Variants in KLHL1 observed in about 807,000 individuals in gnomAD.
KLHL1 encodes the protein kelch like family member 1.
KLHL1 carries 47 observed loss-of-function variants against 77.7 expected under a neutral mutation model. That is an observed-to-expected ratio of 0.60 (90% CI 0.48 to 0.77). KLHL1 has a LOEUF of 0.77. KLHL1 is among the 30% of genes least tolerant of loss of function. The pLI is 0.00. For synonymous variants in KLHL1, 360 were observed against 325.2 expected, an observed-to-expected ratio of 1.11 and a Z score of -1.15; for missense variants, 925 against 910.8, an observed-to-expected ratio of 1.02 and a Z score of -0.20.
intron 1 of KLHL1, among the ~76,000 whole-genome samples, chr13:70,063,381 T>C (rs781468263): frequency 2.6e-5 from 4 of 152,146 alleles, no homozygotes; most frequent in Non-Finnish European, 5.9e-5. Context: ...AATTACAGCT[T>C]TTACAGATTT....
Position 70,070,152 on chromosome 13 carries a change from G to GA in KLHL1, c.497+37050dup, listed in dbSNP as rs200077831. Among the ~76,000 whole-genome samples the GA allele has an allele frequency of 8.4e-4, 117 of 139,006 alleles. 1 individual carries two copies. The highest frequency in any genetic ancestry group is 1.6e-3 in the South Asian group (7 of 4,392). The allele number at this position is 139,006 out of a possible 152,430, so 91.2% of individuals were successfully genotyped here. A position where few individuals can be genotyped will look rare whatever the true frequency, so the allele number is the denominator to read the frequency against. Reference sequence around the variant, plus strand: ...TGGGTGACAGAGTGAGACTCGTCTCGAAAAAAAAAAAAGAAGCAGAAGAAA... The same window carrying GA: ...TGGGTGACAGAGTGAGACTCGTCTCGAAAAAAAAAAAAAGAAGCAGAAGAAA... On this transcript the variant is annotated intron_variant, in intron 1 of 10. Coordinates refer to ENST00000377844, the MANE Select transcript of KLHL1 (RefSeq NM_020866.3).
At chr13:69,988,912 GTTGTC>G (rs1480850332) in intron 1 of KLHL1, among the ~76,000 whole-genome samples, 1 of 151,988 alleles carries the variant, frequency 6.6e-6, no homozygotes, top group Non-Finnish European at 1.5e-5. Context: ...AATTCTGTAG[GTTGTC>G]TGTTTGTTCT....
At chr13:69,891,796 G>T (rs943780167) in intron 4 of KLHL1, among the ~76,000 whole-genome samples, 5 of 151,840 alleles carry the variant, frequency 3.3e-5, no homozygotes, top group Non-Finnish European at 5.9e-5. Context: ...TAATCATTTG[G>T]TCTGCTTCTC....
At chr13:69,950,470 A>T (rs1316581781) in intron 3 of KLHL1, among the ~76,000 whole-genome samples, 1 of 151,584 alleles carries the variant, frequency 6.6e-6, no homozygotes. Flanking sequence ...TCTGTCCCTA[A>T]TCAACTCCAT....
chr13:69,719,224 G>C (rs1181081772), intron 9 of KLHL1, 145 bp downstream of exon 9: 5 of 615,210 alleles, frequency 8.1e-6, no homozygotes, highest in Non-Finnish European at 1.4e-5. Flanking sequence ...GAGAGAGAGA[G>C]AGAGAGAGAG....
intron 1 of KLHL1, among the ~76,000 whole-genome samples, chr13:70,007,868 A>G (rs1045950059): frequency 5.3e-5 from 8 of 152,014 alleles, no homozygotes; most frequent in African/African-American, 1.9e-4. Flanking sequence ...AGGCTAAGAC[A>G]TATTTTTTGC....
chr13:69,993,241 G>T (rs1885069550), intron 1 of KLHL1, among the ~76,000 whole-genome samples: 1 of 152,062 alleles, frequency 6.6e-6, no homozygotes, highest in Non-Finnish European at 1.5e-5. Flanking sequence ...ATGGTCCAGT[G>T]TCTGGGAGAG....
At chr13:69,956,001 A>G (rs1394322907) in intron 3 of KLHL1, among the ~76,000 whole-genome samples, 2 of 116,534 alleles carry the variant, frequency 1.7e-5, no homozygotes, top group Non-Finnish European at 1.9e-5. Context: ...TATTTGATAT[A>G]TATTTATATA....
At chr13:69,859,080 A>G (rs1162865475) in intron 5 of KLHL1, among the ~76,000 whole-genome samples, 2 of 152,052 alleles carry the variant, frequency 1.3e-5, no homozygotes, top group East Asian at 3.9e-4. Context: ...AAAGCACTGT[A>G]TAAAACTTGC....
intron 4 of KLHL1, among the ~76,000 whole-genome samples, chr13:69,886,325 A>G (rs1350836643): frequency 2.0e-5 from 3 of 151,990 alleles, no homozygotes; most frequent in African/African-American, 7.2e-5. Flanking sequence ...TAATTTTTCT[A>G]GCTAAAACAA....
intron 1 of KLHL1, among the ~76,000 whole-genome samples, chr13:70,013,350 T>G (rs977827633): frequency 2.0e-5 from 3 of 152,218 alleles, no homozygotes; most frequent in Non-Finnish European, 4.4e-5. Flanking sequence ...ATTACATGGC[T>G]ACTCTACTTG....
At chr13:69,841,888 A>G (rs1310215223) in intron 5 of KLHL1, among the ~76,000 whole-genome samples, 1 of 151,846 alleles carries the variant, frequency 6.6e-6, no homozygotes, top group Non-Finnish European at 1.5e-5. Flanking sequence ...AAAGCCACGT[A>G]TTTACTGCTA....
intron 2 of KLHL1, among the ~76,000 whole-genome samples, chr13:69,973,452 ATTAT>A (rs1276752211): frequency 6.6e-6 from 1 of 151,676 alleles, no homozygotes; most frequent in Non-Finnish European, 1.5e-5. Flanking sequence ...CTTCATAAAA[ATTAT>A]TTATTTTTAT....
chr13:70,061,713 C>T (rs749420588), intron 1 of KLHL1, among the ~76,000 whole-genome samples: 5 of 152,120 alleles, frequency 3.3e-5, no homozygotes, highest in Non-Finnish European at 7.4e-5. Flanking sequence ...CTCTTCTCTC[C>T]ACTCCAGGTT....
At chr13:69,950,184 GACAAT>G (rs1379818058) in intron 3 of KLHL1, among the ~76,000 whole-genome samples, 1 of 151,542 alleles carries the variant, frequency 6.6e-6, no homozygotes, top group Non-Finnish European at 1.5e-5. Flanking sequence ...AAGTAGCTGC[GACAAT>G]ACAAGTCATT....
intron 1 of KLHL1, among the ~76,000 whole-genome samples, chr13:69,985,913 TATATATATGTAA>T (rs1476074675): frequency 2.7e-5 from 4 of 147,758 alleles, no homozygotes; most frequent in Admixed American, 6.8e-5. Flanking sequence ...ATGTAAGTTA[TATATATATGTAA>T]ATATATATGT....
chr13:69,975,712 C>T lies in KLHL1; in HGVS notation c.588G>A (p.Glu196=), dbSNP rs1884526086. Residue 196 remains glutamate (E), a synonymous_variant, in exon 2 of 11, where the codon GAG becomes GAA. Coordinates refer to ENST00000377844, the MANE Select transcript of KLHL1 (RefSeq NM_020866.3). ...AACTTTCCATCTTTCTGAAGGTTTG[C>T]TCAGCATGATGAACAGCTTGATAGA... The part of the protein sequence containing the change: ...EEFYQAVHHA[E]QTFRKMESYL... The T allele has an allele frequency of 6.2e-7, 1 of 1,613,588 alleles. No homozygotes were observed.
At chr13:69,985,104 T>A (rs935897130) in intron 1 of KLHL1, among the ~76,000 whole-genome samples, 2 of 151,474 alleles carry the variant, frequency 1.3e-5, no homozygotes, top group Admixed American at 1.3e-4. Context: ...AGAGCGAGAC[T>A]CTGTCTCAAA....
rs189839699 is a variant in KLHL1, at chr13:69,939,645, G to T, written c.1014+395C>A. On this transcript the variant is annotated intron_variant, in intron 4 of 10. Transcript: ENST00000377844. The stretch of plus-strand genomic sequence containing the variant: ...TATATCTGTATTGCCTGTTAAGTGT[G>T]CATAAAGCCATAAAGAAGCTTCCTG... 3.9e-5 allele frequency among the ~76,000 whole-genome samples: 6 copies of T among 151,922 alleles called. No homozygotes were observed. The East Asian group carries it at 1.2e-3, about 30-fold the overall frequency.
Sources: allele counts gnomAD v4.1 joint callset (sites outside exome capture counted in the v4.1 genomes callset), GRCh38; gene constraint gnomAD v4.1.1; transcripts MANE v1.5; gene names NCBI Gene and HGNC (gene_info 2026-07-23, HGNC 2026-07-21).